ASAP2: variants seen among roughly 807,000 people sequenced by gnomAD.
The protein encoded by ASAP2 is ArfGAP with SH3 domain, ankyrin repeat and PH domain 2.
In ASAP2, 45 loss-of-function variants were observed where a neutral mutation model predicts 131.4. That is an observed-to-expected ratio of 0.34 (90% CI 0.27 to 0.44). ASAP2 has a LOEUF of 0.44. Ranked by LOEUF, ASAP2 falls within the 20% of genes least tolerant of loss-of-function variation. ASAP2 has a pLI of 1.00. For missense variants in ASAP2, 1,011 were observed against 1,297.0 expected (o/e 0.78, Z 3.39); for synonymous variants, 510 against 503.0 (o/e 1.01, Z -0.19).
intron 1 of ASAP2, among the ~76,000 whole-genome samples, chr2:9,259,412 G>A (rs942858580): frequency 6.6e-6 from 1 of 152,116 alleles, no homozygotes; most frequent in African/African-American, 2.4e-5. Flanking sequence ...CGCTTCCTGC[G>A]CCCTGCTCTC....
At chr2:9,341,736 C>T (rs1255358992) in intron 9 of ASAP2, among the ~76,000 whole-genome samples, 1 of 152,182 alleles carries the variant, frequency 6.6e-6, no homozygotes, top group Admixed American at 6.5e-5. Context: ...CAGCATTGTT[C>T]TCAGCAACGT....
intron 20 of ASAP2, among the ~76,000 whole-genome samples, chr2:9,384,363 G>A (rs1436552210): frequency 6.6e-6 from 1 of 152,132 alleles, no homozygotes; most frequent in Non-Finnish European, 1.5e-5. Context: ...TCACTACCAT[G>A]TTCTTGTAAA....
intron 9 of ASAP2, among the ~76,000 whole-genome samples, chr2:9,341,128 C>G (rs1671545789): frequency 6.6e-6 from 1 of 152,140 alleles, no homozygotes; most frequent in African/African-American, 2.4e-5. Flanking sequence ...TTATGTTATT[C>G]TTCTCTCCAG....
chr2:9,376,099 G>A (rs1027470145), intron 17 of ASAP2, among the ~76,000 whole-genome samples: 1 of 152,236 alleles, frequency 6.6e-6, no homozygotes, highest in Non-Finnish European at 1.5e-5. Flanking sequence ...CCTCACGGCT[G>A]CAGCATCTTT....
At chr2:9,353,762 C>T (rs929446675) in intron 12 of ASAP2, among the ~76,000 whole-genome samples, 1 of 152,128 alleles carries the variant, frequency 6.6e-6, no homozygotes, top group Non-Finnish European at 1.5e-5. Context: ...TTACTTCCTA[C>T]AAGATGTTCC....
intron 1 of ASAP2, among the ~76,000 whole-genome samples, chr2:9,260,890 C>T (rs955741233): frequency 1.3e-4 from 20 of 152,302 alleles, no homozygotes; most frequent in Non-Finnish European, 2.2e-4. Context: ...TCTGCTTCTC[C>T]GCCACCCTGG....
chr2:9,261,002 C>G lies in ASAP2; in HGVS notation c.127-18315C>G, dbSNP rs577958773. Among the ~76,000 whole-genome samples, 280 of 152,194 alleles carry G rather than the reference C, an allele frequency of 1.8e-3. 2 individuals carry two copies. Among genetic ancestry groups the G allele is most frequent in the African/African-American group, 6.4e-3 (264 of 41,508 alleles). ...TTTAGATTCTTGTGCCCCTGGTGAA[C>G]TTCAAATGCTAGTGTGCTGGGAGCC... On this transcript the variant is annotated intron_variant, in intron 1 of 27. Coordinates refer to ENST00000281419, the MANE Select transcript of ASAP2 (RefSeq NM_003887.3).
rs753669891 is a variant in ASAP2, at chr2:9,281,880, G to A, written c.199+2491G>A. 6.6e-6 allele frequency among the ~76,000 whole-genome samples: 1 copy of A among 152,142 alleles called. No homozygotes were observed. Among genetic ancestry groups the A allele is most frequent in the Non-Finnish European group, 1.5e-5 (1 of 68,028 alleles). Reference sequence around the variant, plus strand: ...CTGCAGAGCACCAGATGAGTTCCGAGCTCTTGTGCATTGCCTGGACTCAGG... The same window carrying A: ...CTGCAGAGCACCAGATGAGTTCCGAACTCTTGTGCATTGCCTGGACTCAGG... On this transcript the variant is annotated intron_variant, in intron 2 of 27. Coordinates refer to ENST00000281419, the MANE Select transcript of ASAP2 (RefSeq NM_003887.3). The surrounding 1 kb of genome is among the most constrained non-coding windows in gnomAD (Gnocchi z 4.0).
intron 20 of ASAP2, among the ~76,000 whole-genome samples, chr2:9,383,405 C>T (rs547711873): frequency 6.6e-6 from 1 of 152,094 alleles, no homozygotes; most frequent in South Asian, 2.1e-4. Context: ...CAGATGCATG[C>T]CACCACGCCT....
At chr2:9,327,986 C>T (rs1041584416) in intron 7 of ASAP2, 75 bp downstream of exon 7, 46 of 1,117,700 alleles carry the variant, frequency 4.1e-5, no homozygotes, top group Middle Eastern at 2.2e-4. Flanking sequence ...ATAGATAGCT[C>T]ATAGGAAATA....
chr2:9,351,374 T>G (rs76162549), intron 12 of ASAP2, among the ~76,000 whole-genome samples: 1,872 of 152,344 alleles, frequency 0.012, 36 homozygotes, highest in African/African-American at 0.043. Flanking sequence ...TCTTTCTGCT[T>G]CTCTGTGCTT....
At chr2:9,319,067 T>C (rs563018053) in intron 4 of ASAP2, among the ~76,000 whole-genome samples, 6 of 152,310 alleles carry the variant, frequency 3.9e-5, no homozygotes, top group African/African-American at 1.4e-4. Context: ...AGGACATGCC[T>C]AGCCACCATA....
At chr2:9,385,205 T>C (rs762311379) in intron 20 of ASAP2, 40 bp from the exon 21 acceptor site, 27 of 1,488,818 alleles carry the variant, frequency 1.8e-5, no homozygotes, top group Non-Finnish European at 2.4e-5. Context: ...CATGGCCGAG[T>C]GTATGAGCAA....
At chr2:9,257,717 C>G (rs192846323) in intron 1 of ASAP2, among the ~76,000 whole-genome samples, 147 of 152,250 alleles carry the variant, frequency 9.7e-4, no homozygotes, top group African/African-American at 3.5e-3. Context: ...GATGGGGTTT[C>G]ACCACGTTGG....
chr2:9,371,033 GA>G (rs1673908043), intron 16 of ASAP2, among the ~76,000 whole-genome samples: 1 of 152,214 alleles, frequency 6.6e-6, no homozygotes, highest in African/African-American at 2.4e-5. Context: ...GGTACCTAAC[GA>G]AAGCAGGGCA....
chr2:9,350,852 G>A lies in ASAP2; in HGVS notation c.1068G>A (p.Val356=), dbSNP rs1558356356. 6.2e-7 allele frequency: 1 copy of A among 1,613,680 alleles called. No individual in the cohort carries two copies. The highest frequency in any genetic ancestry group is 8.5e-7 in the Non-Finnish European group (1 of 1,179,704). The part of the protein sequence containing the change: ...PAKLNLLTCQ[V]KTNPEEKKCF... ...AGCTCAACCTGCTAACCTGCCAGGT[G>A]AAGACCAACCCTGAGGAGAAGAAGT... Residue 356 remains valine, a synonymous_variant, in exon 12 of 28, where the codon GTG becomes GTA. Transcript: ENST00000281419.
intron 1 of ASAP2, among the ~76,000 whole-genome samples, chr2:9,253,168 T>C (rs1419674265): frequency 6.6e-6 from 1 of 152,122 alleles, no homozygotes; most frequent in Admixed American, 6.5e-5. Flanking sequence ...GTTTTTGTTT[T>C]TGTTTCTGTT....
At chr2:9,348,750 C>T (rs1015787578) in intron 11 of ASAP2, among the ~76,000 whole-genome samples, 1 of 152,130 alleles carries the variant, frequency 6.6e-6, no homozygotes, top group Non-Finnish European at 1.5e-5. Context: ...AGAAATCTAT[C>T]TTTGATAGTA....
Position 9,374,875 on chromosome 2 carries a change from T to C in ASAP2, c.1677T>C (p.Ile559=). 6.2e-7 allele frequency: 1 copy of C among 1,614,054 alleles called. No homozygotes were observed. The highest frequency in any genetic ancestry group is 8.5e-7 in the Non-Finnish European group (1 of 1,180,000). ...SLCEAVKTRD[I]FGLLQAYADG... ...GCGAGGCCGTCAAAACGAGAGATAT[T>C]TTTGGATTGCTCCAAGCTTATGCTG... The change falls in exon 17 of 28, where the codon ATT becomes ATC. Residue 559 remains isoleucine (I), a synonymous_variant. Transcript: ENST00000281419.
Sources: gnomAD v4.1 joint callset for allele counts (sites outside exome capture counted in the v4.1 genomes callset) on GRCh38, gnomAD v4.1.1 for gene constraint, Gnocchi (gnomAD v3.1) non-coding constraint, MANE v1.5 for transcripts, NCBI Gene and HGNC (gene_info 2026-07-23, HGNC 2026-07-21) for gene names.